The following RABEP1 variants were observed in gnomAD, a reference collection of about 807,000 sequenced individuals.
RABEP1 encodes the protein rab GTPase-binding effector protein 1.
RABEP1 carries 51 observed loss-of-function variants against 123.4 expected under a neutral mutation model. That is an observed-to-expected ratio of 0.41 (90% CI 0.33 to 0.52). The LOEUF (loss-of-function observed/expected upper bound fraction) is 0.52, where lower values mean the gene tolerates loss of function less well. Among genes scored for constraint, RABEP1 ranks in the 20% least tolerant of loss-of-function variants. The probability of loss-of-function intolerance (pLI) is 0.16; values close to 1 mark genes in which losing one functional copy is unlikely to be tolerated. For missense variants in RABEP1, 888 were observed against 996.3 expected (o/e 0.89, Z 1.46); for synonymous variants, 347 against 355.2 (o/e 0.98, Z 0.26).
At chr17:5,328,124 G>C (rs1216561979) in intron 2 of RABEP1, among the ~76,000 whole-genome samples, 1 of 152,192 alleles carries the variant, frequency 6.6e-6, no homozygotes, top group Non-Finnish European at 1.5e-5. Flanking sequence ...TGCGACGTAA[G>C]TAAAGATGTA....
At chr17:5,354,073 C>T (rs1314538547) in intron 7 of RABEP1, among the ~76,000 whole-genome samples, 2 of 151,840 alleles carry the variant, frequency 1.3e-5, no homozygotes, top group East Asian at 1.9e-4. Flanking sequence ...TTTGAAGAGG[C>T]GGTTTTGCTT....
chr17:5,308,472 C>T (rs7221270), intron 1 of RABEP1, among the ~76,000 whole-genome samples: 3,384 of 152,234 alleles, frequency 0.022, 54 homozygotes, highest in Admixed American at 0.038. Context: ...GTGATCCGCC[C>T]GCCTCGGCCT....
chr17:5,360,074 C>T (rs1191081587), intron 8 of RABEP1, among the ~76,000 whole-genome samples: 1 of 152,190 alleles, frequency 6.6e-6, no homozygotes. Flanking sequence ...CAAAGGAGAC[C>T]TCATAACCCA....
At chr17:5,367,381 C>T (rs954320940) in intron 11 of RABEP1, among the ~76,000 whole-genome samples, 6 of 151,788 alleles carry the variant, frequency 4.0e-5, no homozygotes, top group African/African-American at 9.7e-5. Flanking sequence ...AAGCGATTCT[C>T]CTGCCTCAGC....
At chr17:5,345,119 C>G (rs919526808) in intron 5 of RABEP1, among the ~76,000 whole-genome samples, 6 of 152,174 alleles carry the variant, frequency 3.9e-5, no homozygotes, top group Admixed American at 2.6e-4. Flanking sequence ...TCATTTTACC[C>G]TAACCAGGTT....
intron 3 of RABEP1, among the ~76,000 whole-genome samples, chr17:5,334,324 CG>C (rs1906850136): frequency 6.6e-6 from 1 of 151,924 alleles, no homozygotes; most frequent in Non-Finnish European, 1.5e-5. Flanking sequence ...CTCTGCCTCC[CG>C]GGTTCACGTG....
intron 1 of RABEP1, among the ~76,000 whole-genome samples, chr17:5,303,899 G>T (rs1014041436): frequency 9.9e-5 from 15 of 151,994 alleles, no homozygotes; most frequent in Non-Finnish European, 4.4e-5. Context: ...TGTGAGTGGT[G>T]GTGGGCACCT....
At chr17:5,303,621 C>G (rs1454319446) in intron 1 of RABEP1, among the ~76,000 whole-genome samples, 1 of 152,160 alleles carries the variant, frequency 6.6e-6, no homozygotes, top group Non-Finnish European at 1.5e-5. Context: ...TTTGATCCCA[C>G]TGGAGTTATT....
At chr17:5,318,663 A>G (rs2075321800) in intron 2 of RABEP1, among the ~76,000 whole-genome samples, 1 of 152,214 alleles carries the variant, frequency 6.6e-6, no homozygotes, top group African/African-American at 2.4e-5. Flanking sequence ...TCTATTCTCT[A>G]TAATCTTTCA....
chr17:5,313,721 G>T (rs184696409), intron 2 of RABEP1, among the ~76,000 whole-genome samples: 1 of 152,100 alleles, frequency 6.6e-6, no homozygotes, highest in East Asian at 1.9e-4. Flanking sequence ...TGTCCAGAGC[G>T]CTCAGTAAAC....
intron 6 of RABEP1, among the ~76,000 whole-genome samples, chr17:5,350,009 C>T (rs1908384866): frequency 6.6e-6 from 1 of 152,138 alleles, no homozygotes; most frequent in Admixed American, 6.6e-5. Context: ...TAGGTTGCCC[C>T]TTGGTCCAGC....
intron 1 of RABEP1, among the ~76,000 whole-genome samples, chr17:5,285,523 G>A (rs1198463751): frequency 1.3e-5 from 2 of 152,038 alleles, no homozygotes; most frequent in Non-Finnish European, 2.9e-5. Context: ...TTTTACCCCT[G>A]AAGGACATGC....
At chr17:5,301,318 G>A (rs1597334195) in intron 1 of RABEP1, among the ~76,000 whole-genome samples, 2 of 152,242 alleles carry the variant, frequency 1.3e-5, no homozygotes, top group South Asian at 2.1e-4. Context: ...AGGAGGCTGG[G>A]TCACATGCCT....
At chr17:5,378,972 T>G (rs940301744) in intron 15 of RABEP1, among the ~76,000 whole-genome samples, 1 of 152,194 alleles carries the variant, frequency 6.6e-6, no homozygotes, top group Non-Finnish European at 1.5e-5. Flanking sequence ...ACCTGACCAC[T>G]GCCCAACCTT....
intron 2 of RABEP1, among the ~76,000 whole-genome samples, chr17:5,316,525 A>G (rs1387151016): frequency 6.7e-6 from 1 of 149,802 alleles, no homozygotes; most frequent in African/African-American, 2.4e-5. Flanking sequence ...CATAGAGGAA[A>G]TATATAGGAT....
intron 1 of RABEP1, among the ~76,000 whole-genome samples, chr17:5,294,514 C>T (rs1307087204): frequency 6.6e-6 from 1 of 151,508 alleles, no homozygotes; most frequent in Non-Finnish European, 1.5e-5. Flanking sequence ...GGAGAATATG[C>T]ATAAGTTATA....
intron 11 of RABEP1, among the ~76,000 whole-genome samples, chr17:5,366,866 G>C (rs1910039028): frequency 6.6e-6 from 1 of 151,768 alleles, no homozygotes; most frequent in Admixed American, 6.6e-5. Context: ...GAGGCGGGCA[G>C]ATTACCTGAG....
At chr17:5,323,192 C>T (rs537844387) in intron 2 of RABEP1, among the ~76,000 whole-genome samples, 6 of 152,058 alleles carry the variant, frequency 3.9e-5, no homozygotes, top group Non-Finnish European at 2.9e-5. Context: ...AATTGTGTGT[C>T]GAAGGAACAT....
At chr17:5,382,676 C>T (rs939143839) in intron 17 of RABEP1, among the ~76,000 whole-genome samples, 5 of 151,932 alleles carry the variant, frequency 3.3e-5, no homozygotes, top group South Asian at 2.1e-4. Context: ...TGCTTGAACC[C>T]GGGAAGTGGA....
Sources: gnomAD v4.1 joint callset for allele counts (sites outside exome capture counted in the v4.1 genomes callset) on GRCh38, gnomAD v4.1.1 for gene constraint, MANE v1.5 for transcripts, NCBI Gene and HGNC (gene_info 2026-07-23, HGNC 2026-07-21) for gene names.